DYNC1H1: variants seen among roughly 807,000 people sequenced by gnomAD.
The protein encoded by DYNC1H1 is dynein cytoplasmic 1 heavy chain 1, also known as cytoplasmic dynein 1 heavy chain 1.
Under a neutral mutation model 527.1 loss-of-function variants are expected in DYNC1H1, and 51 were observed. That is an observed-to-expected ratio of 0.10 (90% confidence interval 0.08 to 0.12). The LOEUF (loss-of-function observed/expected upper bound fraction) is 0.12. Among genes scored for constraint, DYNC1H1 ranks in the 10% least tolerant of loss-of-function variants. The probability of loss-of-function intolerance (pLI) is 1.00; values close to 1 mark genes in which losing one functional copy is unlikely to be tolerated. For synonymous variants in DYNC1H1, 2,189 were observed against 2,278.8 expected (o/e 0.96, Z 1.12); for missense variants, 2,771 against 5,971.8 (o/e 0.46, Z 17.66).
chr14:102,026,443 T>C, intron 43 of DYNC1H1, 131 bp from the exon 44 acceptor site: 1 of 983,400 alleles, frequency 1.0e-6, no homozygotes, highest in Non-Finnish European at 1.5e-6. Flanking sequence ...ATTTTTTTGC[T>C]ATGTTATAAA....
Position 101,997,284 on chromosome 14 carries a change from G to A in DYNC1H1, c.3804+10G>A, listed in dbSNP as rs868676505. The A allele has an allele frequency of 3.7e-6, 6 of 1,613,902 alleles. No individual in the cohort carries two copies. Among genetic ancestry groups the A allele is most frequent in the South Asian group, 1.1e-5 (1 of 91,050 alleles). ...GACCAAGCCTGTCACGGTGAGTCCC[G>A]CCAGGTGGGGACGCAGGAGACTCCT... On this transcript the variant is annotated intron_variant, in intron 16 of 77. Coordinates refer to ENST00000360184, the MANE Select transcript of DYNC1H1 (RefSeq NM_001376.5). The surrounding 1 kb of genome is among the most constrained non-coding windows in gnomAD (Gnocchi z 4.8).
At chr14:101,995,763 G>C (rs2048053791) in intron 15 of DYNC1H1, among the ~76,000 whole-genome samples, 1 of 151,874 alleles carries the variant, frequency 6.6e-6, no homozygotes, top group African/African-American at 2.4e-5. Flanking sequence ...TGATGTGCTT[G>C]TTAAAACTTA....
chr14:101,994,309 T>A lies in DYNC1H1; in HGVS notation c.3141T>A (p.Val1047=). ...YSAVMGIVSE[V]EQYVKVWLQY... ...CTGTCATGGGCATTGTATCTGAAGT[T>A]GAACAGTATGTCAAGGTAAGAAACT... Residue 1047 remains valine (V), a synonymous_variant, in exon 12 of 78, where the codon GTT becomes GTA. Coordinates refer to ENST00000360184, the MANE Select transcript of DYNC1H1 (RefSeq NM_001376.5). 1 of 1,614,192 alleles carries A rather than the reference T, an allele frequency of 6.2e-7. No homozygotes were observed. The highest frequency in any genetic ancestry group is 8.5e-7 in the Non-Finnish European group (1 of 1,180,034).
At position 102,050,181 on chromosome 14, in the gene DYNC1H1, G is replaced by C; in HGVS notation, c.13795G>C (p.Glu4599Gln). The change falls in exon 77 of 78, where the codon GAG becomes CAG. Residue 4599 changes from glutamate (E) to glutamine (Q), a missense_variant. Transcript: ENST00000360184. ...GCGCTGGGTCAAGCAGACAAACACC[G>C]AGAAGAAGGCCAGTGTGGTAAGGAG... ...QLRWVKQTNT[E>Q]KKASVVTLPV... The C allele has an allele frequency of 1.2e-6, 2 of 1,614,072 alleles. No individual in the cohort carries two copies. The highest frequency in any genetic ancestry group is 1.7e-6 in the Non-Finnish European group (2 of 1,180,034).
chr14:102,036,377 G>GTGGT lies in DYNC1H1; in HGVS notation c.10755-111_10755-108dup. ...AAACGTCTCCGGAAACCACTCTCGG[G>GTGGT]TGGTGGTAACAGCCTATCAATCAGG... On this transcript the variant is annotated intron_variant, in intron 56 of 77. Coordinates refer to ENST00000360184, the MANE Select transcript of DYNC1H1 (RefSeq NM_001376.5). This position sits in a 1 kb window ranked among gnomAD's most constrained non-coding sequence, Gnocchi z 5.6. The GTGGT allele has an allele frequency of 7.0e-7, 1 of 1,422,222 alleles. No homozygotes were observed. The highest frequency in any genetic ancestry group is 9.9e-7 in the Non-Finnish European group (1 of 1,013,770). 88.1% of individuals were successfully genotyped at this position (1,422,222 alleles called of 1,614,324 possible). A position where few individuals can be genotyped will look rare whatever the true frequency, so the allele number is the denominator to read the frequency against.
Position 101,988,980 on chromosome 14 carries a change from G to GTC in DYNC1H1, c.2868+129_2868+130dup. ...ATGCCACCTTAACCAGGTGATGAAG[G>GTC]TCAGCCTCACCAGTGGCGATGTGCA... On this transcript the variant is annotated intron_variant, in intron 10 of 77. Transcript: ENST00000360184. The GTC allele has an allele frequency of 2.3e-6, 3 of 1,305,534 alleles. 1 individual carries two copies. In the South Asian group the frequency reaches 3.8e-5, roughly 17 times the overall value. 80.9% of individuals were successfully genotyped at this position (1,305,534 alleles called of 1,614,324 possible). A position where few individuals can be genotyped will look rare whatever the true frequency, so the allele number is the denominator to read the frequency against.
chr14:102,027,529 T>A lies in DYNC1H1; in HGVS notation c.9033T>A (p.Leu3011=). Residue 3011 remains leucine, a synonymous_variant, in exon 46 of 78, where the codon CTT becomes CTA. Transcript: ENST00000360184. This position sits in a 1 kb window ranked among gnomAD's most constrained non-coding sequence, Gnocchi z 7.7. The part of the protein sequence containing the change: ...DSGFLERMNT[L]LANGEVPGLF... ...GATTCCTGGAGCGAATGAATACCCT[T>A]CTGGCCAATGGAGAGGTAATTAGGT... 1 of 1,614,202 alleles carries A rather than the reference T, an allele frequency of 6.2e-7. No individual in the cohort carries two copies. Among genetic ancestry groups the A allele is most frequent in the Non-Finnish European group, 8.5e-7 (1 of 1,180,030 alleles).
intron 1 of DYNC1H1, 108 bp from the exon 2 acceptor site, chr14:101,975,604 C>T (rs2047791819): frequency 4.0e-6 from 4 of 992,070 alleles, no homozygotes; most frequent in Admixed American, 1.9e-5. Context: ...ATGTAGGTGT[C>T]GATATGTCAG....
In DYNC1H1 at chr14:102,027,647, A is replaced by G. The variant is rs1032073396; in HGVS notation, c.9077A>G (p.Tyr3026Cys). 3.7e-6 allele frequency: 6 copies of G among 1,614,066 alleles called. No individual in the cohort carries two copies. The Admixed American group carries it at 8.3e-5, about 22-fold the overall frequency. ...EVPGLFEGDEYATLMTQCKEG... is the reference protein window; with the variant it reads ...EVPGLFEGDECATLMTQCKEG... ...CCTGGTCTCTTTGAAGGAGACGAGTATGCCACCTTGATGACGCAGTGCAAA... is the reference window on the plus strand; with the variant it reads ...CCTGGTCTCTTTGAAGGAGACGAGTGTGCCACCTTGATGACGCAGTGCAAA... The change falls in exon 47 of 78, where the codon TAT becomes TGT. Residue 3026 changes from tyrosine to cysteine, a missense_variant. By Grantham distance (194) the Tyr-to-Cys change is radical. Around this residue, in one of 32 missense-constraint regions of DYNC1H1, gnomAD observed 84 missense variants for 285.4 expected, o/e 0.29. Coordinates refer to ENST00000360184, the MANE Select transcript of DYNC1H1 (RefSeq NM_001376.5). The surrounding 1 kb of genome is among the most constrained non-coding windows in gnomAD (Gnocchi z 7.7).
intron 11 of DYNC1H1, among the ~76,000 whole-genome samples, chr14:101,992,274 C>G (rs1876153948): frequency 1.3e-5 from 2 of 152,160 alleles, no homozygotes; most frequent in Non-Finnish European, 2.9e-5. Context: ...GTTTTCTTAA[C>G]TTTGAATATA....
Position 102,002,645 on chromosome 14 carries a change from T to G in DYNC1H1, c.4651T>G (p.Phe1551Val). The change falls in exon 22 of 78, where the codon TTC becomes GTC. Residue 1551 changes from phenylalanine (F) to valine (V), a missense_variant. Physicochemically the swap from Phe to Val is conservative, Grantham distance 50. Transcript: ENST00000360184. This position sits in a 1 kb window ranked among gnomAD's most constrained non-coding sequence, Gnocchi z 4.4. ...QRRWVYLEGIFTGSADIKHLL... is the reference protein window; with the variant it reads ...QRRWVYLEGIVTGSADIKHLL... ...GCGGTGGGTCTACCTGGAAGGTATC[T>G]TCACAGGCAGTGCAGATATCAAGCA... 1.2e-6 allele frequency: 2 copies of G among 1,614,220 alleles called. No individual in the cohort carries two copies. Among genetic ancestry groups the G allele is most frequent in the Non-Finnish European group, 1.7e-6 (2 of 1,180,040 alleles).
At position 102,002,881 on chromosome 14, in the gene DYNC1H1, C is replaced by G. The variant is rs371276643; in HGVS notation, c.4799C>G (p.Ser1600Cys). The G allele has an allele frequency of 6.2e-7, 1 of 1,614,236 alleles. No individual in the cohort carries two copies. Among genetic ancestry groups the G allele is most frequent in the Non-Finnish European group, 8.5e-7 (1 of 1,180,048 alleles). ...CTGAACATCCAGGGAGTACAGAGGTCTCTGGAAAGATTGGCAGACCTGCTA... is the reference window on the plus strand; with the variant it reads ...CTGAACATCCAGGGAGTACAGAGGTGTCTGGAAAGATTGGCAGACCTGCTA... ...DVLNIQGVQRSLERLADLLGK... is the reference protein window; with the variant it reads ...DVLNIQGVQRCLERLADLLGK... The change falls in exon 23 of 78, where the codon TCT (serine) becomes TGT (cysteine). Residue 1600 changes from serine (S) to cysteine (C), a missense_variant. Physicochemically the swap from Ser to Cys is moderately radical, Grantham distance 112. Around this residue, in one of 32 missense-constraint regions of DYNC1H1, gnomAD observed 51 missense variants for 189.2 expected, o/e 0.27. Coordinates refer to ENST00000360184, the MANE Select transcript of DYNC1H1 (RefSeq NM_001376.5). The surrounding 1 kb of genome is among the most constrained non-coding windows in gnomAD (Gnocchi z 4.4).
chr14:102,036,544 T>C lies in DYNC1H1; in HGVS notation c.10810T>C (p.Tyr3604His). The C allele has an allele frequency of 6.2e-7, 1 of 1,614,138 alleles. No homozygotes were observed. Among genetic ancestry groups the C allele is most frequent in the Non-Finnish European group, 8.5e-7 (1 of 1,180,020 alleles). ...GQATEFIMNE[Y>H]KDRKITRTSF... Reference sequence around the variant, plus strand: ...GGCCACAGAATTCATTATGAATGAATATAAGGATCGTAAGATCACACGGAC... The same window carrying C: ...GGCCACAGAATTCATTATGAATGAACATAAGGATCGTAAGATCACACGGAC... The change falls in exon 57 of 78, where the codon TAT becomes CAT. Residue 3604 changes from tyrosine (Y) to histidine (H), a missense_variant. Tyr to His is a moderately conservative substitution (Grantham distance 83, BLOSUM62 2). Coordinates refer to ENST00000360184, the MANE Select transcript of DYNC1H1 (RefSeq NM_001376.5). This position sits in a 1 kb window ranked among gnomAD's most constrained non-coding sequence, Gnocchi z 5.6.
intron 74 of DYNC1H1, chr14:102,048,956 G>T (rs2048765666): frequency 4.2e-6 from 2 of 481,828 alleles, no homozygotes; most frequent in Non-Finnish European, 7.6e-6. Flanking sequence ...GGGGAATGTG[G>T]TGGTCCAGGA....
intron 10 of DYNC1H1, 94 bp downstream of exon 10, chr14:101,988,946 AC>A: frequency 6.5e-7 from 1 of 1,531,892 alleles, no homozygotes; most frequent in South Asian, 1.2e-5. Flanking sequence ...TAGTGTGGAC[AC>A]CTGGCAGATG....
chr14:102,001,520 C>G lies in DYNC1H1; in HGVS notation c.4396-15C>G, dbSNP rs1354749384. 6.2e-7 allele frequency: 1 copy of G among 1,614,106 alleles called. No homozygotes were observed. Among genetic ancestry groups the G allele is most frequent in the Admixed American group, 1.7e-5 (1 of 60,002 alleles). On this transcript the variant is annotated splice_polypyrimidine_tract_variant and intron_variant, in intron 20 of 77. Transcript: ENST00000360184. This position sits in a 1 kb window ranked among gnomAD's most constrained non-coding sequence, Gnocchi z 5.0. Reference sequence around the variant, plus strand: ...CCACATATTGATAACATGCATCTTTCTGGTTTGAATTCAGATAAGAGAAGT... The same window carrying G: ...CCACATATTGATAACATGCATCTTTGTGGTTTGAATTCAGATAAGAGAAGT...
chr14:102,023,201 C>T (rs2048407310), intron 43 of DYNC1H1: 2 of 379,834 alleles, frequency 5.3e-6, no homozygotes, highest in South Asian at 4.2e-5. Context: ...GTGGTCACAC[C>T]ACCATACTGC....
chr14:101,994,983 C>T lies in DYNC1H1; in HGVS notation c.3334-3C>T. 6.2e-7 allele frequency: 1 copy of T among 1,614,056 alleles called. No individual in the cohort carries two copies. The highest frequency in any genetic ancestry group is 8.5e-7 in the Non-Finnish European group (1 of 1,179,900). ...GATGTGTTGTGTGCTATTTCACCCT[C>T]AGGTACAATCTAAGGTGAACTTGAA... On this transcript the variant is annotated splice_polypyrimidine_tract_variant and splice_region_variant and intron_variant, in intron 13 of 77. Coordinates refer to ENST00000360184, the MANE Select transcript of DYNC1H1 (RefSeq NM_001376.5).
chr14:102,030,191 G>T lies in DYNC1H1; in HGVS notation c.9792G>T (p.Leu3264=). ...TGAGCCAAGAAATCCAGGAACAGCT[G>T]CATAAGCAGCAGGAGGTAATTGCAG... ...KVMSQEIQEQ[L]HKQQEVIADK... is the part of the protein sequence containing the mutation. Residue 3264 remains leucine, a synonymous_variant, in exon 51 of 78, where the codon CTG becomes CTT. Coordinates refer to ENST00000360184, the MANE Select transcript of DYNC1H1 (RefSeq NM_001376.5). 6.2e-7 allele frequency: 1 copy of T among 1,614,150 alleles called. No individual in the cohort carries two copies. Among genetic ancestry groups the T allele is most frequent in the Non-Finnish European group, 8.5e-7 (1 of 1,180,028 alleles).
Sources: gnomAD v4.1 joint callset for allele counts (sites outside exome capture counted in the v4.1 genomes callset) on GRCh38, gnomAD v4.1.1 for gene constraint, gnomAD v4.1.1 regional missense constraint, Gnocchi (gnomAD v3.1) non-coding constraint, MANE v1.5 for transcripts, NCBI Gene and HGNC (gene_info 2026-07-23, HGNC 2026-07-21) for gene names.